PTBP3: variants seen among roughly 807,000 people sequenced by gnomAD.
PTBP3 encodes polypyrimidine tract binding protein 3.
In PTBP3, 20 loss-of-function variants were observed where a neutral mutation model predicts 58.7. The observed-to-expected ratio is 0.34, with a 90% CI of 0.24 to 0.50. PTBP3 has a LOEUF of 0.50. Ranked by LOEUF, PTBP3 falls within the 20% of genes least tolerant of loss-of-function variation. The pLI, the probability that PTBP3 is intolerant of heterozygous loss-of-function variation, is 0.98. For synonymous variants in PTBP3, 185 were observed against 219.8 expected, an observed-to-expected ratio of 0.84 and a Z score of 1.40; for missense variants, 509 against 637.2, an observed-to-expected ratio of 0.80 and a Z score of 2.17.
At chr9:112,237,758 T>C (rs1231050725) in intron 7 of PTBP3, among the ~76,000 whole-genome samples, 1 of 152,120 alleles carries the variant, frequency 6.6e-6, no homozygotes, top group African/African-American at 2.4e-5. Flanking sequence ...TCTCACTGCA[T>C]TAACCTATTA....
chr9:112,322,969 C>A (rs757410989), intron 1 of PTBP3, among the ~76,000 whole-genome samples: 1 of 152,232 alleles, frequency 6.6e-6, no homozygotes, highest in Non-Finnish European at 1.5e-5. Flanking sequence ...AACATCTGAA[C>A]AGGTGTGGTG....
Position 112,234,904 on chromosome 9 carries a change from G to A in PTBP3, c.803-7C>T, listed in dbSNP as rs201921394. On this transcript the variant is annotated splice_region_variant and splice_polypyrimidine_tract_variant and intron_variant, in intron 7 of 13. Coordinates refer to ENST00000374257, the MANE Select transcript of PTBP3 (RefSeq NM_001163788.4). ...GAAATTATACCCGGTGCACCTAATGGGAAAGAGAAGCTAAAGTAAACACAC... is the reference window on the plus strand; with the variant it reads ...GAAATTATACCCGGTGCACCTAATGAGAAAGAGAAGCTAAAGTAAACACAC... 5.6e-6 allele frequency: 9 copies of A among 1,605,554 alleles called. No individual in the cohort carries two copies. The Admixed American group carries it at 1.3e-4, about 24-fold the overall frequency.
At chr9:112,313,110 A>C (rs1229758244) in intron 1 of PTBP3, among the ~76,000 whole-genome samples, 1 of 152,232 alleles carries the variant, frequency 6.6e-6, no homozygotes, top group Non-Finnish European at 1.5e-5. Flanking sequence ...GTAAGCTATC[A>C]GATAAAGATA....
At chr9:112,369,760 A>T in the PTBP3 span, among the ~76,000 whole-genome samples, 8 of 152,106 alleles carry the variant, frequency 5.3e-5, no homozygotes, top group African/African-American at 1.9e-4. Context: ...GATTTGGGAG[A>T]GGCCAGGGAC....
intron 4 of PTBP3, among the ~76,000 whole-genome samples, chr9:112,264,610 T>C (rs950993500): frequency 2.0e-5 from 3 of 152,220 alleles, no homozygotes; most frequent in African/African-American, 7.2e-5. Flanking sequence ...GATACTACAG[T>C]ACTTTAAAAA....
Position 112,227,481 on chromosome 9 carries a change from T to C in PTBP3, c.1294A>G (p.Lys432Glu). The C allele has an allele frequency of 6.2e-7, 1 of 1,614,042 alleles. No individual in the cohort carries two copies. Among genetic ancestry groups the C allele is most frequent in the Non-Finnish European group, 8.5e-7 (1 of 1,179,930 alleles). Residue 432 changes from lysine to glutamate, a missense_variant, in exon 12 of 14, where the codon AAA becomes GAA. Lys to Glu is a moderately conservative substitution (Grantham distance 56). Coordinates refer to ENST00000374257, the MANE Select transcript of PTBP3 (RefSeq NM_001163788.4). ...DFSNSPLHRF[K>E]KPGSKNFQNI... The stretch of plus-strand genomic sequence containing the variant: ...TGGAAGTTTTTAGAGCCCGGCTTTT[T>C]AAAGCGATGCAAAGGACTATTGCTG...
At chr9:112,297,254 A>C (rs1828728103) in intron 2 of PTBP3, among the ~76,000 whole-genome samples, 2 of 152,136 alleles carry the variant, frequency 1.3e-5, no homozygotes, top group African/African-American at 4.8e-5. Flanking sequence ...CCCCAGGCTG[A>C]AGTGCAATGG....
At chr9:112,300,749 C>G (rs1465447137) in intron 1 of PTBP3, among the ~76,000 whole-genome samples, 1 of 143,770 alleles carries the variant, frequency 7.0e-6, no homozygotes, top group Non-Finnish European at 1.5e-5. Context: ...GAGACTCCGT[C>G]TCAAAGAAAA....
chr9:112,321,876 T>C (rs1196449622), intron 1 of PTBP3, among the ~76,000 whole-genome samples: 1 of 151,892 alleles, frequency 6.6e-6, no homozygotes, highest in Non-Finnish European at 1.5e-5. Flanking sequence ...AAAAAGGCCC[T>C]TGTAATCCCA....
chr9:112,234,825 G>A lies in PTBP3; in HGVS notation c.875C>T (p.Ala292Val), dbSNP rs748219455. 3.7e-6 allele frequency: 6 copies of A among 1,610,228 alleles called. No homozygotes were observed. The Admixed American group carries it at 1.0e-4, about 27-fold the overall frequency. Residue 292 changes from alanine to valine, a missense_variant, in exon 8 of 14, where the codon GCT becomes GTT. Around this residue, in one of 4 missense-constraint regions of PTBP3, gnomAD observed 121 missense variants for 114.8 expected, o/e 1.05. Transcript: ENST00000374257. Reference sequence around the variant, plus strand: ...ATCCAACTTAAAAGAATCACCTGTAGCTTGAGGAAATCCAATGGCTGGGGC... The same window carrying A: ...ATCCAACTTAAAAGAATCACCTGTAACTTGAGGAAATCCAATGGCTGGGGC... ...GFAPAIGFPQ[A>V]TGLSVPAVPG... is the part of the protein sequence containing the mutation.
chr9:112,315,552 C>T (rs1485731865), intron 1 of PTBP3, among the ~76,000 whole-genome samples: 1 of 151,936 alleles, frequency 6.6e-6, no homozygotes, highest in African/African-American at 2.4e-5. Context: ...GCTATGATAG[C>T]GCCACTGTAC....
chr9:112,374,613 A>G, the PTBP3 span, among the ~76,000 whole-genome samples: 1 of 152,208 alleles, frequency 6.6e-6, no homozygotes, highest in African/African-American at 2.4e-5. Flanking sequence ...CTGCTTCAAG[A>G]TGATGGGGAA....
At chr9:112,375,793 T>C in the PTBP3 span, among the ~76,000 whole-genome samples, 1 of 152,164 alleles carries the variant, frequency 6.6e-6, no homozygotes, top group East Asian at 1.9e-4. Flanking sequence ...ATCCAGTTCA[T>C]GATAGGCAGT....
intron 6 of PTBP3, 125 bp from the exon 7 acceptor site, chr9:112,251,228 C>T: frequency 1.6e-6 from 1 of 638,322 alleles, no homozygotes; most frequent in Non-Finnish European, 2.4e-6. Flanking sequence ...AAGCCAAAGT[C>T]TTGGGTTTAC....
intron 5 of PTBP3, among the ~76,000 whole-genome samples, chr9:112,256,266 A>AC (rs1481387032): frequency 8.9e-6 from 1 of 111,882 alleles, no homozygotes; most frequent in Non-Finnish European, 1.7e-5. Flanking sequence ...AAAAAAAAAA[A>AC]AACAAAATAT....
the PTBP3 span, among the ~76,000 whole-genome samples, chr9:112,364,120 C>T: frequency 3.5e-5 from 5 of 144,916 alleles, no homozygotes; most frequent in South Asian, 4.4e-4. Context: ...TGGCTTCTTT[C>T]GCTTAGTAAT....
upstream of PTBP3, among the ~76,000 whole-genome samples, chr9:112,338,661 C>T (rs934562440): frequency 2.0e-5 from 3 of 152,248 alleles, no homozygotes; most frequent in African/African-American, 7.2e-5. Context: ...CTGACACACA[C>T]TGACTCTGAC....
intron 7 of PTBP3, among the ~76,000 whole-genome samples, chr9:112,241,055 T>C (rs928919613): frequency 3.3e-5 from 5 of 152,122 alleles, no homozygotes; most frequent in Non-Finnish European, 7.4e-5. Flanking sequence ...TTTATGAAGT[T>C]AGAAAGTTGT....
At chr9:112,308,743 T>C (rs1829347092) in intron 1 of PTBP3, among the ~76,000 whole-genome samples, 1 of 152,044 alleles carries the variant, frequency 6.6e-6, no homozygotes, top group Admixed American at 6.6e-5. Context: ...GGGCAGGTGC[T>C]GGCTGCAAAC....
Sources: gnomAD v4.1 joint callset for allele counts (sites outside exome capture counted in the v4.1 genomes callset) on GRCh38, gnomAD v4.1.1 for gene constraint, gnomAD v4.1.1 regional missense constraint, MANE v1.5 for transcripts, NCBI Gene and HGNC (gene_info 2026-07-23, HGNC 2026-07-21) for gene names.